Variants in STX18 observed in about 807,000 individuals in gnomAD.
STX18 encodes the protein syntaxin-18.
STX18 carries 40 observed loss-of-function variants against 50.1 expected under a neutral mutation model. The observed-to-expected ratio is 0.80, with a 90% CI of 0.62 to 1.04. The LOEUF is 1.04. Ranked by LOEUF, STX18 falls within the 50% of genes least tolerant of loss-of-function variation. The probability of loss-of-function intolerance (pLI) is 0.00; values close to 1 mark genes in which losing one functional copy is unlikely to be tolerated. For synonymous variants in STX18, 158 were observed against 151.8 expected (o/e 1.04, Z -0.30); for missense variants, 410 against 415.8 (o/e 0.99, Z 0.12).
chr4:4,499,838 G>T (rs947970762), intron 1 of STX18, among the ~76,000 whole-genome samples: 2 of 151,336 alleles, frequency 1.3e-5, no homozygotes, highest in Non-Finnish European at 2.9e-5. Flanking sequence ...TGCGTTCAGT[G>T]GGGGGAAATG....
chr4:4,464,473 T>A (rs933281740), intron 2 of STX18, among the ~76,000 whole-genome samples: 7 of 152,258 alleles, frequency 4.6e-5, no homozygotes, highest in African/African-American at 1.7e-4. Flanking sequence ...ACAGACGCTG[T>A]CTGCAGGGTG....
At chr4:4,446,838 A>C (rs960341500) in intron 5 of STX18, among the ~76,000 whole-genome samples, 2 of 152,254 alleles carry the variant, frequency 1.3e-5, no homozygotes, top group Non-Finnish European at 2.9e-5. Context: ...AAGGCCTATA[A>C]AAGAATGTTT....
intron 5 of STX18, among the ~76,000 whole-genome samples, chr4:4,444,322 T>C (rs1010894137): frequency 6.6e-6 from 1 of 152,216 alleles, no homozygotes; most frequent in African/African-American, 2.4e-5. Context: ...TTGAACCAAG[T>C]GCCATCCCTA....
intron 1 of STX18, among the ~76,000 whole-genome samples, chr4:4,491,252 T>A (rs1728929536): frequency 6.6e-6 from 1 of 152,128 alleles, no homozygotes; most frequent in Non-Finnish European, 1.5e-5. Context: ...CATTCATCCA[T>A]ATTATATACA....
chr4:4,541,405 C>G (rs947726522), intron 1 of STX18, among the ~76,000 whole-genome samples: 1 of 152,138 alleles, frequency 6.6e-6, no homozygotes, highest in African/African-American at 2.4e-5. Context: ...GTAAATAGAA[C>G]AGGCAAATAT....
At chr4:4,481,117 T>C (rs767876412) in intron 1 of STX18, among the ~76,000 whole-genome samples, 43 of 152,296 alleles carry the variant, frequency 2.8e-4, no homozygotes, top group Non-Finnish European at 4.9e-4. Flanking sequence ...TTTTGTGAAT[T>C]ACCCAAAGCA....
chr4:4,471,349 A>C (rs1204741355), intron 2 of STX18, among the ~76,000 whole-genome samples: 1 of 152,212 alleles, frequency 6.6e-6, no homozygotes. Context: ...TGTGTCCCCA[A>C]CTTCAAATAC....
At chr4:4,471,561 G>A (rs1223304572) in intron 2 of STX18, 78 bp downstream of exon 2, 6 of 983,452 alleles carry the variant, frequency 6.1e-6, no homozygotes, top group African/African-American at 3.4e-5. Flanking sequence ...AAAAAGGTGA[G>A]GGCAAAAAGC....
rs16835803 is a variant in STX18, at chr4:4,516,228, A to G, written c.168+25569T>C. ...TCAGGGGGAAAAAAGCACTGTTTTG[A>G]TTCATTTTATGATTGCCTGTAAGGT... On this transcript the variant is annotated intron_variant, in intron 1 of 10. Transcript: ENST00000306200. 8.5e-3 allele frequency among the ~76,000 whole-genome samples: 1,293 copies of G among 152,240 alleles called. 11 individuals are homozygous for G. The highest frequency in any genetic ancestry group is 0.03 in the African/African-American group (1,233 of 41,554).
At chr4:4,539,291 G>A (rs764381343) in intron 1 of STX18, among the ~76,000 whole-genome samples, 2 of 152,176 alleles carry the variant, frequency 1.3e-5, no homozygotes, top group South Asian at 2.1e-4. Flanking sequence ...CTGACAACCA[G>A]GGCTAAACCT....
intron 1 of STX18, among the ~76,000 whole-genome samples, chr4:4,536,515 A>C (rs1731340226): frequency 6.6e-6 from 1 of 152,246 alleles, no homozygotes; most frequent in Admixed American, 6.5e-5. Flanking sequence ...TGAGGAACTG[A>C]GAGATCAAGC....
At chr4:4,438,026 G>C (rs548414058) in intron 6 of STX18, among the ~76,000 whole-genome samples, 2 of 152,194 alleles carry the variant, frequency 1.3e-5, no homozygotes, top group African/African-American at 4.8e-5. Flanking sequence ...CACTCTACCC[G>C]GATGCAGGCC....
intron 7 of STX18, among the ~76,000 whole-genome samples, chr4:4,429,092 C>T (rs1725399426): frequency 6.6e-6 from 1 of 152,190 alleles, no homozygotes; most frequent in African/African-American, 2.4e-5. Context: ...TCATGTTGAA[C>T]AGCCTAGGAC....
chr4:4,469,201 T>C (rs547846223), intron 2 of STX18, among the ~76,000 whole-genome samples: 3 of 152,338 alleles, frequency 2.0e-5, no homozygotes, highest in African/African-American at 7.2e-5. Context: ...TCACGTCACC[T>C]GCAGTCCGTA....
At chr4:4,536,221 G>C (rs1731321677) in intron 1 of STX18, among the ~76,000 whole-genome samples, 1 of 152,166 alleles carries the variant, frequency 6.6e-6, no homozygotes, top group South Asian at 2.1e-4. Context: ...AATGAGCCTT[G>C]GACAGAGATC....
intron 1 of STX18, chr4:4,507,814 GTA>G (rs1729794908): frequency 1.0e-5 from 2 of 191,424 alleles, no homozygotes; most frequent in Non-Finnish European, 1.7e-5. Context: ...TATATTCACA[GTA>G]AAAAAAAAAA....
rs1181302435 is a variant in STX18, at chr4:4,541,934, C to T, written c.31G>A (p.Ala11Thr). 3.1e-6 allele frequency: 5 copies of T among 1,608,010 alleles called. No homozygotes were observed. In the East Asian group the frequency reaches 9.0e-5, roughly 29 times the overall value. MAVDITLLFR[A>T]SVKTVKTRNK... ...CGCGTCTTCACGGTCTTGACGCTGGCCCGGAATAGCAGCGTGATGTCCACC... is the reference window on the plus strand; with the variant it reads ...CGCGTCTTCACGGTCTTGACGCTGGTCCGGAATAGCAGCGTGATGTCCACC... The change falls in exon 1 of 11, where the codon GCC becomes ACC. Residue 11 changes from alanine (A) to threonine (T), a missense_variant. Coordinates refer to ENST00000306200, the MANE Select transcript of STX18 (RefSeq NM_016930.4).
intron 1 of STX18, among the ~76,000 whole-genome samples, chr4:4,539,540 T>C (rs1731484496): frequency 6.6e-6 from 1 of 152,208 alleles, no homozygotes; most frequent in Non-Finnish European, 1.5e-5. Flanking sequence ...AAAGAATGTA[T>C]GTTTCCTCTA....
intron 1 of STX18, among the ~76,000 whole-genome samples, chr4:4,472,907 T>C (rs1489276250): frequency 6.6e-6 from 1 of 152,206 alleles, no homozygotes; most frequent in African/African-American, 2.4e-5. Flanking sequence ...TTATTATAAA[T>C]GTGATTCAGA....
Sources: gnomAD v4.1 joint callset for allele counts (sites outside exome capture counted in the v4.1 genomes callset) on GRCh38, gnomAD v4.1.1 for gene constraint, MANE v1.5 for transcripts, NCBI Gene and HGNC (gene_info 2026-07-23, HGNC 2026-07-21) for gene names.